The following LUC7L3 variants were observed in gnomAD, a reference collection of about 807,000 sequenced individuals.
The protein encoded by LUC7L3 is luc7-like protein 3.
In LUC7L3, 6 loss-of-function variants were observed where a neutral mutation model predicts 66.8. The observed-to-expected ratio is 0.09, with a 90% CI of 0.05 to 0.18. The LOEUF is 0.18. Among genes scored for constraint, LUC7L3 ranks in the 10% least tolerant of loss-of-function variants. LUC7L3 has a pLI of 1.00. For synonymous variants in LUC7L3, 160 were observed against 174.7 expected, an observed-to-expected ratio of 0.92 and a Z score of 0.66; for missense variants, 341 against 531.1, an observed-to-expected ratio of 0.64 and a Z score of 3.52.
intron 1 of LUC7L3, among the ~76,000 whole-genome samples, chr17:50,735,495 CTTTCTT>C (rs1239803355): frequency 1.3e-5 from 2 of 150,110 alleles, no homozygotes; most frequent in Middle Eastern, 3.2e-3. Flanking sequence ...TTTGCCTTTC[CTTTCTT>C]TTTCTTTTTC....
At chr17:50,720,607 CTAGTTTTGAACATG>C (rs1285497549) in intron 1 of LUC7L3, among the ~76,000 whole-genome samples, 6 of 152,180 alleles carry the variant, frequency 3.9e-5, no homozygotes, top group African/African-American at 1.4e-4. Flanking sequence ...GTGTTTTGAT[CTAGTTTTGAACATG>C]CAGTGTAATG....
intron 1 of LUC7L3, 105 bp from the exon 2 acceptor site, chr17:50,736,855 A>T: frequency 1.4e-6 from 1 of 699,486 alleles, no homozygotes; most frequent in Non-Finnish European, 2.5e-6. Flanking sequence ...ACATTGGTTG[A>T]AACATACATA....
chr17:50,727,698 G>C (rs896488790), intron 1 of LUC7L3, among the ~76,000 whole-genome samples: 1 of 152,238 alleles, frequency 6.6e-6, no homozygotes, highest in African/African-American at 2.4e-5. Context: ...TTACCAGCCT[G>C]AAGGAAGAGC....
intron 5 of LUC7L3, among the ~76,000 whole-genome samples, chr17:50,741,941 T>C (rs1567872452): frequency 6.6e-6 from 1 of 152,106 alleles, no homozygotes; most frequent in Admixed American, 6.6e-5. Context: ...CCAGGTGCAA[T>C]GGCGTGTACC....
At chr17:50,730,798 G>C (rs1969555773) in intron 1 of LUC7L3, among the ~76,000 whole-genome samples, 1 of 151,962 alleles carries the variant, frequency 6.6e-6, no homozygotes, top group Non-Finnish European at 1.5e-5. Flanking sequence ...AAATTAGCCA[G>C]GCATTGTGGT....
chr17:50,746,548 A>G lies in LUC7L3; in HGVS notation c.984A>G (p.Arg328=), dbSNP rs1243350304. Residue 328 remains arginine, a synonymous_variant, in exon 9 of 10, where the codon AGA becomes AGG. Coordinates refer to ENST00000505658, the MANE Select transcript of LUC7L3 (RefSeq NM_016424.5). The stretch of plus-strand genomic sequence containing the variant: ...TTGGTTTTAAATTATTAAGAAGTAG[A>G]GATCGACGAAGAAGCAGAAGCCATG... ...RSRERRRSRS[R]DRRRSRSHDR... is the part of the protein sequence containing the mutation. 6.2e-7 allele frequency: 1 copy of G among 1,612,596 alleles called. No individual in the cohort carries two copies. The highest frequency in any genetic ancestry group is 2.2e-5 in the East Asian group (1 of 44,878).
rs1971076948 is a variant in LUC7L3, at chr17:50,754,585, C to T, written c.*3924C>T. 1 of 152,204 alleles carries T rather than the reference C, an allele frequency of 6.6e-6. No individual in the cohort carries two copies. The highest frequency in any genetic ancestry group is 1.5e-5 in the Non-Finnish European group (1 of 68,034). The allele number at this position is 152,204 out of a possible 1,614,324, so 9.4% of individuals were successfully genotyped here. Reference sequence around the variant, plus strand: ...CAAGAGGACCGACCAGTCTGCTGCTCAAGACATCCTCTCCTCTGGAATGTA... The same window carrying T: ...CAAGAGGACCGACCAGTCTGCTGCTTAAGACATCCTCTCCTCTGGAATGTA... On this transcript the variant is annotated 3_prime_UTR_variant, in exon 10 of 10. Transcript: ENST00000505658.
chr17:50,743,900 T>G (rs1408038863), intron 6 of LUC7L3, 90 bp downstream of exon 6: 3 of 968,076 alleles, frequency 3.1e-6, no homozygotes, highest in Non-Finnish European at 1.6e-6. Context: ...AAACTGATGT[T>G]CCAAACTTAG....
intron 1 of LUC7L3, chr17:50,722,368 T>G (rs1007247229): frequency 3.9e-5 from 6 of 151,966 alleles, no homozygotes; most frequent in African/African-American, 1.5e-4. Context: ...CAGCTAATTT[T>G]TATATTTTTA....
At chr17:50,745,688 A>T (rs200668197) in intron 7 of LUC7L3, 32 bp from the exon 8 acceptor site, 1 of 1,550,056 alleles carries the variant, frequency 6.5e-7, no homozygotes, top group Non-Finnish European at 8.7e-7. Context: ...TTAAAGTTAC[A>T]TTTGCATAAG....
At chr17:50,733,286 C>T (rs1269961370) in intron 1 of LUC7L3, among the ~76,000 whole-genome samples, 1 of 151,248 alleles carries the variant, frequency 6.6e-6, no homozygotes, top group Non-Finnish European at 1.5e-5. Context: ...CTCTATCACC[C>T]GGTGGTGCGA....
intron 9 of LUC7L3, among the ~76,000 whole-genome samples, 192 bp from the exon 10 acceptor site, chr17:50,750,309 C>G (rs1970918824): frequency 6.6e-6 from 1 of 152,140 alleles, no homozygotes; most frequent in African/African-American, 2.4e-5. Context: ...CTTTTGCTTC[C>G]TTGAATTCCC....
At chr17:50,741,476 C>T (rs901982907) in intron 4 of LUC7L3, among the ~76,000 whole-genome samples, 181 bp from the exon 5 acceptor site, 1 of 151,948 alleles carries the variant, frequency 6.6e-6, no homozygotes, top group African/African-American at 2.4e-5. Flanking sequence ...AAGATTTTTC[C>T]CTTAAATAGT....
chr17:50,722,689 A>G (rs1005730629), intron 1 of LUC7L3: 1 of 152,222 alleles, frequency 6.6e-6, no homozygotes, highest in African/African-American at 2.4e-5. Context: ...TGCGAAGCGC[A>G]GTTTCAAGTG....
At chr17:50,724,514 C>G (rs1429754016) in intron 1 of LUC7L3, among the ~76,000 whole-genome samples, 1 of 151,326 alleles carries the variant, frequency 6.6e-6, no homozygotes, top group African/African-American at 2.4e-5. Context: ...GAGTGACACT[C>G]TGTCTCAAAA....
At chr17:50,730,172 A>G (rs1168120337) in intron 1 of LUC7L3, among the ~76,000 whole-genome samples, 2 of 151,496 alleles carry the variant, frequency 1.3e-5, no homozygotes, top group African/African-American at 4.9e-5. Flanking sequence ...GGGTCTTGCC[A>G]CGTTGCCCGG....
In LUC7L3 at chr17:50,755,084, G is replaced by A. The variant is rs1489696266; in HGVS notation, c.*4423G>A. ...GTGGGATGGGACTTCATGCAGGATT[G>A]GTTTTCAAGTTTGATTTCCTGAGGG... On this transcript the variant is annotated 3_prime_UTR_variant, in exon 10 of 10. Transcript: ENST00000505658. 1 of 152,040 alleles carries A rather than the reference G, an allele frequency of 6.6e-6. No individual in the cohort carries two copies. Among genetic ancestry groups the A allele is most frequent in the Admixed American group, 6.6e-5 (1 of 15,258 alleles). The allele number at this position is 152,040 out of a possible 1,614,324, so 9.4% of individuals were successfully genotyped here.
In LUC7L3 at chr17:50,743,682, G is replaced by A. The variant is rs747863733; in HGVS notation, c.427-24G>A. On this transcript the variant is annotated intron_variant, in intron 5 of 9. Coordinates refer to ENST00000505658, the MANE Select transcript of LUC7L3 (RefSeq NM_016424.5). ...GTTGGGTTTGAAAGAAATCTTAACT[G>A]TTTTTTTCCCCTACTCTTCTAAGAT... 3.1e-5 allele frequency: 45 copies of A among 1,446,204 alleles called. 2 individuals are homozygous for A. In the South Asian group the frequency reaches 5.0e-4, roughly 16 times the overall value. The allele number at this position is 1,446,204 out of a possible 1,614,324, so 89.6% of individuals were successfully genotyped here.
chr17:50,735,183 TCATAC>T (rs1249060115), intron 1 of LUC7L3, among the ~76,000 whole-genome samples: 2 of 146,296 alleles, frequency 1.4e-5, no homozygotes, highest in Non-Finnish European at 3.0e-5. Flanking sequence ...TGAGCCAAGA[TCATAC>T]CATTGCACTC....
Sources: gnomAD v4.1 joint callset for allele counts (sites outside exome capture counted in the v4.1 genomes callset) on GRCh38, gnomAD v4.1.1 for gene constraint, MANE v1.5 for transcripts, NCBI Gene and HGNC (gene_info 2026-07-23, HGNC 2026-07-21) for gene names.